The following KIAA0825 variants were observed in gnomAD, a reference collection of about 807,000 sequenced individuals.
The protein encoded by KIAA0825 is KIAA0825, also known as uncharacterized protein KIAA0825.
Under a neutral mutation model 147.6 loss-of-function variants are expected in KIAA0825, and 119 were observed. The observed-to-expected ratio is 0.81, with a 90% CI of 0.69 to 0.94. The LOEUF is 0.94. Among genes scored for constraint, KIAA0825 ranks in the 40% least tolerant of loss-of-function variants. KIAA0825 has a pLI of 0.00. For synonymous variants in KIAA0825, 470 were observed against 518.1 expected (o/e 0.91, Z 1.26); for missense variants, 1,381 against 1,472.7 (o/e 0.94, Z 1.02).
At chr5:94,510,281 T>A (rs528239888) in intron 5 of KIAA0825, among the ~76,000 whole-genome samples, 3 of 152,226 alleles carry the variant, frequency 2.0e-5, no homozygotes, top group African/African-American at 7.2e-5. Context: ...TTACTTAGTC[T>A]TTTTTATTTC....
intron 1 of KIAA0825, among the ~76,000 whole-genome samples, chr5:94,599,331 GTT>G (rs57220290): frequency 1.0e-5 from 1 of 98,506 alleles, no homozygotes; most frequent in Admixed American, 1.0e-4. Flanking sequence ...GATTATTTGG[GTT>G]TTTTTTTTTT....
chr5:94,264,123 A>G (rs1184311919), intron 20 of KIAA0825, among the ~76,000 whole-genome samples: 1 of 152,078 alleles, frequency 6.6e-6, no homozygotes, highest in Non-Finnish European at 1.5e-5. Context: ...TATTCCTCTT[A>G]TTCAATCTCA....
chr5:94,371,352 G>A (rs1746680599), intron 20 of KIAA0825, among the ~76,000 whole-genome samples: 1 of 152,052 alleles, frequency 6.6e-6, no homozygotes, highest in African/African-American at 2.4e-5. Flanking sequence ...AATATTAATA[G>A]TATTATTTTA....
intron 1 of KIAA0825, among the ~76,000 whole-genome samples, chr5:94,608,477 A>G (rs201522109): frequency 0.22 from 7,102 of 32,566 alleles, 1,975 homozygotes; most frequent in East Asian, 0.34. Context: ...TATATATAAT[A>G]TATATATATA....
At chr5:94,466,736 CA>C (rs56785201) in intron 10 of KIAA0825, among the ~76,000 whole-genome samples, 2,828 of 61,236 alleles carry the variant, frequency 0.046, 8 homozygotes, top group South Asian at 0.11. Flanking sequence ...GACTGTGTCT[CA>C]AAAAAAAAAA....
At chr5:94,211,496 G>A (rs1256629856) in intron 20 of KIAA0825, among the ~76,000 whole-genome samples, 1 of 152,034 alleles carries the variant, frequency 6.6e-6, no homozygotes, top group Non-Finnish European at 1.5e-5. Context: ...TCCTTCACAT[G>A]GTCAGTGTTC....
At chr5:94,383,593 A>G (rs545050913) in intron 20 of KIAA0825, among the ~76,000 whole-genome samples, 58 of 152,306 alleles carry the variant, frequency 3.8e-4, no homozygotes, top group African/African-American at 1.4e-3. Flanking sequence ...AATATATCTT[A>G]TTTGAAAATG....
intron 20 of KIAA0825, among the ~76,000 whole-genome samples, chr5:94,158,670 T>G (rs1767266934): frequency 6.6e-6 from 1 of 152,196 alleles, no homozygotes; most frequent in South Asian, 2.1e-4. Flanking sequence ...TTTCACTGTT[T>G]AGAATACTAT....
intron 20 of KIAA0825, among the ~76,000 whole-genome samples, chr5:94,252,994 C>A (rs1488267260): frequency 1.3e-5 from 2 of 152,058 alleles, no homozygotes; most frequent in East Asian, 3.9e-4. Flanking sequence ...CTGTAAAAAT[C>A]AATTGTTTCC....
chr5:94,593,547 A>G, intron 1 of KIAA0825: 2 of 591,492 alleles, frequency 3.4e-6, no homozygotes, highest in Non-Finnish European at 3.2e-6. Flanking sequence ...TAGCATTGGG[A>G]CCCATTGCAG....
chr5:94,313,022 T>C (rs1312736173), intron 20 of KIAA0825, among the ~76,000 whole-genome samples: 1 of 151,644 alleles, frequency 6.6e-6, no homozygotes, highest in Admixed American at 6.6e-5. Context: ...CATTTTCTAA[T>C]CAAAGGAGGA....
At chr5:94,300,195 A>G (rs1183220852) in intron 20 of KIAA0825, among the ~76,000 whole-genome samples, 1 of 152,106 alleles carries the variant, frequency 6.6e-6, no homozygotes, top group Non-Finnish European at 1.5e-5. Context: ...ATAAAAGATG[A>G]CATGCACTAA....
intron 14 of KIAA0825, among the ~76,000 whole-genome samples, chr5:94,422,087 ATCTGGTTTAGG>A (rs1611097): frequency 0.27 from 41,132 of 151,966 alleles, 5,748 homozygotes; most frequent in Middle Eastern, 0.33. Flanking sequence ...GTTAGTCCTG[ATCTGGTTTAGG>A]ATGCACTACC....
chr5:94,271,047 A>G (rs1042719731), intron 20 of KIAA0825, among the ~76,000 whole-genome samples: 2 of 152,202 alleles, frequency 1.3e-5, no homozygotes, highest in Non-Finnish European at 1.5e-5. Context: ...AGTATTAAGT[A>G]TATGAAATAT....
At chr5:94,290,965 C>A (rs1291312112) in intron 20 of KIAA0825, among the ~76,000 whole-genome samples, 1 of 152,154 alleles carries the variant, frequency 6.6e-6, no homozygotes, top group African/African-American at 2.4e-5. Flanking sequence ...CCTTTGCCCA[C>A]TTTTTGATAC....
chr5:94,504,746 CTT>C (rs564291886), intron 5 of KIAA0825, among the ~76,000 whole-genome samples: 24 of 122,952 alleles, frequency 2.0e-4, no homozygotes, highest in South Asian at 5.6e-4. Context: ...TTTTTCTTTT[CTT>C]TTTTTTTTTT....
intron 7 of KIAA0825, among the ~76,000 whole-genome samples, chr5:94,473,784 A>G (rs1476877096): frequency 6.6e-6 from 1 of 152,236 alleles, no homozygotes; most frequent in Non-Finnish European, 1.5e-5. Context: ...TAAAAAATTT[A>G]ATCTCTTAAA....
chr5:94,466,155 T>C (rs1258632668), intron 10 of KIAA0825, among the ~76,000 whole-genome samples: 1 of 152,188 alleles, frequency 6.6e-6, no homozygotes, highest in Non-Finnish European at 1.5e-5. Context: ...TGTTCTCTTA[T>C]ACCAAAAGTT....
At chr5:94,353,896 C>T (rs1484097817) in intron 20 of KIAA0825, among the ~76,000 whole-genome samples, 2 of 152,002 alleles carry the variant, frequency 1.3e-5, no homozygotes, top group African/African-American at 4.8e-5. Flanking sequence ...TATGTTTTAA[C>T]CTTTATCATT....
Sources: gnomAD v4.1 joint callset for allele counts (sites outside exome capture counted in the v4.1 genomes callset) on GRCh38, gnomAD v4.1.1 for gene constraint, MANE v1.5 for transcripts, NCBI Gene and HGNC (gene_info 2026-07-23, HGNC 2026-07-21) for gene names.